Variants in RBM39 observed in about 807,000 individuals in gnomAD.
The protein encoded by RBM39 is RNA-binding protein 39.
RBM39 carries 12 observed loss-of-function variants against 79.6 expected under a neutral mutation model. That is an observed-to-expected ratio of 0.15 (90% CI 0.10 to 0.24). The LOEUF (loss-of-function observed/expected upper bound fraction) is 0.24. Ranked by LOEUF, RBM39 falls within the 10% of genes least tolerant of loss-of-function variation. RBM39 has a pLI of 1.00. For missense variants in RBM39, 243 were observed against 653.4 expected (o/e 0.37, Z 6.85); for synonymous variants, 185 against 208.4 (o/e 0.89, Z 0.97).
rs72096088 is a variant in RBM39, at chr20:35,741,987, T to TTGCTGCTGCTGC, written c.-72_-61dup. 4 of 249,462 alleles carry TTGCTGCTGCTGC rather than the reference T, an allele frequency of 1.6e-5. No individual in the cohort carries two copies. Among genetic ancestry groups the TTGCTGCTGCTGC allele is most frequent in the Non-Finnish European group, 2.4e-5 (3 of 124,996 alleles). The allele number at this position is 249,462 out of a possible 1,614,324, so 15.5% of individuals were successfully genotyped here. The stretch of plus-strand genomic sequence containing the variant: ...TGTGGTGCTCGTGTTCGGGAAGAGA[T>TTGCTGCTGCTGC]TGCTGCTGCTGCTGCTGCTGCTGCC... On this transcript the variant is annotated 5_prime_UTR_variant, in exon 1 of 17. Transcript: ENST00000253363.
intron 11 of RBM39, 111 bp downstream of exon 11, chr20:35,714,074 C>T: frequency 9.4e-7 from 1 of 1,064,216 alleles, no homozygotes; most frequent in Admixed American, 2.2e-5. Context: ...AAGGATAACG[C>T]CAACTACAAA....
At chr20:35,728,797 G>T (rs1005213455) in intron 6 of RBM39, among the ~76,000 whole-genome samples, 3 of 151,060 alleles carry the variant, frequency 2.0e-5, no homozygotes, top group Non-Finnish European at 4.4e-5. Flanking sequence ...AACTTTTGTG[G>T]CCGGGTGTGT....
intron 3 of RBM39, among the ~76,000 whole-genome samples, chr20:35,735,942 T>C (rs1374323157): frequency 6.6e-6 from 1 of 152,182 alleles, no homozygotes; most frequent in Non-Finnish European, 1.5e-5. Context: ...TTGTAAAAGC[T>C]TGTAGCCTTA....
chr20:35,723,353 T>G (rs2038235378), intron 8 of RBM39, among the ~76,000 whole-genome samples: 1 of 152,194 alleles, frequency 6.6e-6, no homozygotes, highest in Non-Finnish European at 1.5e-5. Context: ...AAAACCTCAC[T>G]TAATATGCTA....
intron 9 of RBM39, among the ~76,000 whole-genome samples, chr20:35,721,058 G>A (rs922934780): frequency 1.3e-5 from 2 of 151,932 alleles, no homozygotes; most frequent in Non-Finnish European, 2.9e-5. Context: ...CTGCTGCCTC[G>A]GCCTCCCGAG....
intron 1 of RBM39, 148 bp from the exon 2 acceptor site, chr20:35,741,035 T>TTTTTTTTTTTC (rs2040462824): frequency 8.8e-6 from 3 of 340,414 alleles, no homozygotes; most frequent in Non-Finnish European, 9.9e-6. Context: ...TTTTTCTTTT[T>TTTTTTTTTTTC]TTTTTTTTTT....
chr20:35,716,694 TA>T (rs79003465), intron 10 of RBM39, 45 bp downstream of exon 10: 71,846 of 877,434 alleles, frequency 0.082, no homozygotes, highest in South Asian at 0.1. Flanking sequence ...AAATGTAGTT[TA>T]AAAAAAAAAA....
chr20:35,729,215 T>A (rs1569052660), intron 6 of RBM39, 97 bp downstream of exon 6: 1 of 1,122,332 alleles, frequency 8.9e-7, no homozygotes, highest in Admixed American at 2.7e-5. Context: ...AAAAGCAAGA[T>A]TTAATATGGT....
chr20:35,737,152 G>C (rs1375498881), intron 3 of RBM39, among the ~76,000 whole-genome samples: 1 of 151,738 alleles, frequency 6.6e-6, no homozygotes, highest in Non-Finnish European at 1.5e-5. Context: ...AGCACTTTGG[G>C]AGGCCAAGGC....
At chr20:35,708,151 T>C (rs2035973208) in intron 13 of RBM39, among the ~76,000 whole-genome samples, 1 of 151,954 alleles carries the variant, frequency 6.6e-6, no homozygotes, top group South Asian at 2.1e-4. Context: ...CTCTGTAACA[T>C]ATAAGTTTTT....
At chr20:35,712,369 G>A (rs2036520939) in intron 12 of RBM39, among the ~76,000 whole-genome samples, 2 of 143,040 alleles carry the variant, frequency 1.4e-5, no homozygotes, top group Admixed American at 7.3e-5. Flanking sequence ...GGAGGCACAG[G>A]TTGCAGTGAG....
chr20:35,733,046 T>C (rs2039535837), intron 3 of RBM39, among the ~76,000 whole-genome samples: 1 of 152,182 alleles, frequency 6.6e-6, no homozygotes, highest in South Asian at 2.1e-4. Flanking sequence ...CTCACGCCTG[T>C]AATCCCAACC....
chr20:35,707,178 A>C lies in RBM39; in HGVS notation c.1249T>G (p.Ser417Ala). 6.2e-7 allele frequency: 1 copy of C among 1,608,782 alleles called. No homozygotes were observed. The highest frequency in any genetic ancestry group is 8.5e-7 in the Non-Finnish European group (1 of 1,176,544). Reference sequence around the variant, plus strand: ...CATTGTGTTGCAAGTGGCTGAACAGAGGCAGCTGCAGCTAAAGCTGAAGCT... The same window carrying C: ...CATTGTGTTGCAAGTGGCTGAACAGCGGCAGCTGCAGCTAAAGCTGAAGCT... ...TEASALAAAA[S>A]VQPLATQCFQ... is the part of the protein sequence containing the mutation. Residue 417 changes from serine (S) to alanine (A), a missense_variant, in exon 14 of 17, where the codon TCT becomes GCT. Around this residue, in one of 4 missense-constraint regions of RBM39, gnomAD observed 19 missense variants for 16.1 expected, o/e 1.18. Transcript: ENST00000253363.
intron 13 of RBM39, 115 bp from the exon 14 acceptor site, chr20:35,707,316 G>T: frequency 1.8e-6 from 1 of 554,388 alleles, no homozygotes; most frequent in Middle Eastern, 4.4e-4. Context: ...GATGTCACTG[G>T]AGTTATTTTA....
At chr20:35,731,908 C>A (rs1464380402) in intron 4 of RBM39, 33 bp downstream of exon 4, 2 of 1,600,446 alleles carry the variant, frequency 1.2e-6, no homozygotes, top group South Asian at 1.1e-5. Flanking sequence ...AGAGAATAAC[C>A]CTCAAACCAA....
At chr20:35,714,097 CT>C in intron 11 of RBM39, 87 bp downstream of exon 11, 2 of 1,321,750 alleles carry the variant, frequency 1.5e-6, no homozygotes. Context: ...AAGATAAAAT[CT>C]TTTTCCCTTT....
chr20:35,712,229 G>C (rs1298912066), intron 12 of RBM39, among the ~76,000 whole-genome samples: 1 of 151,890 alleles, frequency 6.6e-6, no homozygotes, highest in Non-Finnish European at 1.5e-5. Context: ...AGCACTTTGA[G>C]AGGCCAAGGT....
Position 35,724,552 on chromosome 20 carries a change from A to G in RBM39, c.687+18T>C. 1.2e-6 allele frequency: 2 copies of G among 1,612,678 alleles called. No individual in the cohort carries two copies. The highest frequency in any genetic ancestry group is 1.7e-6 in the Non-Finnish European group (2 of 1,179,080). On this transcript the variant is annotated intron_variant, in intron 8 of 16. Transcript: ENST00000253363. Reference sequence around the variant, plus strand: ...CAACACCACCAATAATCAAACTCTTAACCAACAAAAAAATTACCTGTGATG... The same window carrying G: ...CAACACCACCAATAATCAAACTCTTGACCAACAAAAAAATTACCTGTGATG...
At chr20:35,736,636 A>G (rs1165157564) in intron 3 of RBM39, 2 of 466,172 alleles carry the variant, frequency 4.3e-6, no homozygotes, top group Non-Finnish European at 8.9e-6. Flanking sequence ...CATTAACATA[A>G]GGTCGTAAGT....
Sources: gnomAD v4.1 joint callset for allele counts (sites outside exome capture counted in the v4.1 genomes callset) on GRCh38, gnomAD v4.1.1 for gene constraint, gnomAD v4.1.1 regional missense constraint, MANE v1.5 for transcripts, NCBI Gene and HGNC (gene_info 2026-07-23, HGNC 2026-07-21) for gene names.